Variants in PPM1A observed in about 807,000 individuals in gnomAD.
PPM1A encodes protein phosphatase 1A.
Under a neutral mutation model 35.0 loss-of-function variants are expected in PPM1A, and 7 were observed. The ratio of observed to expected loss-of-function variants is 0.20; its 90% CI spans 0.11 to 0.38. The LOEUF (loss-of-function observed/expected upper bound fraction) is 0.38. Ranked by LOEUF, PPM1A falls within the 10% of genes least tolerant of loss-of-function variation. The pLI, the probability that PPM1A is intolerant of heterozygous loss-of-function variation, is 1.00. For synonymous variants in PPM1A, 153 were observed against 167.3 expected (o/e 0.91, Z 0.66); for missense variants, 239 against 467.8 (o/e 0.51, Z 4.51).
In PPM1A at chr14:60,267,486, G is replaced by A. The variant is rs1446535688; in HGVS notation, c.-20-15198G>A. On this transcript the variant is annotated intron_variant, in intron 1 of 5. Coordinates refer to ENST00000395076, the MANE Select transcript of PPM1A (RefSeq NM_021003.5). ...ATATTTTACTGACTTTTTGGCATCT[G>A]TATTAATAAGTATGTTTGGACTATA... 3.9e-5 allele frequency among the ~76,000 whole-genome samples: 6 copies of A among 151,938 alleles called. No individual in the cohort carries two copies. In the East Asian group the frequency reaches 9.6e-4, roughly 24 times the overall value.
At chr14:60,245,984 G>A, upstream of PPM1A, 1 of 1,577,584 alleles carries the variant, frequency 6.3e-7, no homozygotes, top group Non-Finnish European at 8.6e-7. This position sits in a 1 kb window ranked among gnomAD's most constrained non-coding sequence, Gnocchi z 4.2. Flanking sequence ...GGAGAGAGAA[G>A]GAGAAATGAG....
chr14:60,276,469 G>A (rs1885773086), intron 1 of PPM1A, among the ~76,000 whole-genome samples: 1 of 152,098 alleles, frequency 6.6e-6, no homozygotes, highest in Non-Finnish European at 1.5e-5. Flanking sequence ...CTAGTTACCA[G>A]TATCCACCCT....
At chr14:60,251,652 G>A (rs908207869) in intron 1 of PPM1A, among the ~76,000 whole-genome samples, 4 of 152,032 alleles carry the variant, frequency 2.6e-5, no homozygotes, top group African/African-American at 9.7e-5. Context: ...TCAACATACC[G>A]TTGCCAAATA....
intron 1 of PPM1A, among the ~76,000 whole-genome samples, chr14:60,279,201 C>T (rs756227237): frequency 2.0e-5 from 3 of 152,244 alleles, no homozygotes; most frequent in Non-Finnish European, 4.4e-5. Flanking sequence ...TCACTGCAAC[C>T]TCCACCTCCC....
Position 60,298,660 on chromosome 14 carries a change from AATGAGTT to A in PPM1A, c.*6181_*6187del, listed in dbSNP as rs1460415540. On this transcript the variant is annotated 3_prime_UTR_variant, in exon 6 of 6. Coordinates refer to ENST00000395076, the MANE Select transcript of PPM1A (RefSeq NM_021003.5). The stretch of plus-strand genomic sequence containing the variant: ...CAATAGTGATTGATTTCACTCTTGA[AATGAGTT>A]ATATCACTTAATTTGTATAAATGTT... The A allele has an allele frequency of 6.6e-6, 1 of 151,802 alleles. No homozygotes were observed. The highest frequency in any genetic ancestry group is 1.9e-4 in the East Asian group (1 of 5,200). The allele number at this position is 151,802 out of a possible 1,614,324, so 9.4% of individuals were successfully genotyped here.
chr14:60,278,225 C>T (rs770674283), intron 1 of PPM1A, among the ~76,000 whole-genome samples: 12 of 152,058 alleles, frequency 7.9e-5, no homozygotes, highest in Non-Finnish European at 1.6e-4. Flanking sequence ...GGAGGAAAGC[C>T]AGGCTCCTAA....
intron 1 of PPM1A, among the ~76,000 whole-genome samples, chr14:60,262,964 C>T (rs796849885): frequency 6.6e-5 from 10 of 152,258 alleles, no homozygotes; most frequent in South Asian, 6.2e-4. Context: ...CGGTGGCTCA[C>T]GCCTGTAATC....
At position 60,294,455 on chromosome 14, in the gene PPM1A, C is replaced by T. The variant is rs1032081899; in HGVS notation, c.*1973C>T. On this transcript the variant is annotated 3_prime_UTR_variant, in exon 6 of 6. Coordinates refer to ENST00000395076, the MANE Select transcript of PPM1A (RefSeq NM_021003.5). ...AGTATGATAATGTTCTAAGTTATGG[C>T]TTTGCAAGCATCTAAATGTGCATTT... 2.8e-4 allele frequency: 43 copies of T among 151,880 alleles called. No individual in the cohort carries two copies. Among genetic ancestry groups the T allele is most frequent in the Admixed American group, 2.7e-3 (41 of 15,202 alleles). The allele number at this position is 151,880 out of a possible 1,614,324, so 9.4% of individuals were successfully genotyped here.
chr14:60,283,996 G>A lies in PPM1A; in HGVS notation c.834+459G>A, dbSNP rs997650974. ...AAGAGGAATGTAGTGATCATTAGACGTGATGTAATAGAAATAGCCTTGTAC... is the reference window on the plus strand; with the variant it reads ...AAGAGGAATGTAGTGATCATTAGACATGATGTAATAGAAATAGCCTTGTAC... On this transcript the variant is annotated intron_variant, in intron 2 of 5. Transcript: ENST00000395076. This position sits in a 1 kb window ranked among gnomAD's most constrained non-coding sequence, Gnocchi z 6.3. 1.3e-5 allele frequency among the ~76,000 whole-genome samples: 2 copies of A among 152,200 alleles called. No homozygotes were observed. Among genetic ancestry groups the A allele is most frequent in the East Asian group, 1.9e-4 (1 of 5,198 alleles).
intron 1 of PPM1A, among the ~76,000 whole-genome samples, chr14:60,275,844 CTT>C (rs531960264): frequency 0.28 from 37,097 of 130,264 alleles, 5,154 homozygotes; most frequent in South Asian, 0.38. Flanking sequence ...AAAGATTAGC[CTT>C]TTTTTTTTTT....
intron 1 of PPM1A, among the ~76,000 whole-genome samples, chr14:60,263,640 T>C (rs112868732): frequency 0.013 from 1,945 of 152,266 alleles, 46 homozygotes; most frequent in African/African-American, 0.045. Flanking sequence ...TTGGACCCAA[T>C]AGGTAGTTTT....
intron 1 of PPM1A, among the ~76,000 whole-genome samples, chr14:60,259,020 A>T (rs1883450096): frequency 6.6e-6 from 1 of 152,078 alleles, no homozygotes; most frequent in Admixed American, 6.5e-5. Flanking sequence ...ATGCGATTTG[A>T]GGTGTGGCTA....
rs1886593781 is a variant in PPM1A at position 60,283,177 on chromosome 14, T to A, written c.474T>A (p.His158Gln). 7.4e-6 allele frequency: 12 copies of A among 1,614,222 alleles called. No individual in the cohort carries two copies. Among genetic ancestry groups the A allele is most frequent in the Non-Finnish European group, 1.0e-5 (12 of 1,180,038 alleles). ...RGLLCRNRKV[H>Q]FFTQDHKPSN... ...TACTTTGTAGGAACAGGAAAGTTCATTTCTTCACACAAGATCACAAACCAA... is the reference window on the plus strand; with the variant it reads ...TACTTTGTAGGAACAGGAAAGTTCAATTCTTCACACAAGATCACAAACCAA... Residue 158 changes from histidine (H) to glutamine (Q), a missense_variant, in exon 2 of 6, where the codon CAT becomes CAA. His to Gln is a conservative substitution (Grantham distance 24). Transcript: ENST00000395076. This position sits in a 1 kb window ranked among gnomAD's most constrained non-coding sequence, Gnocchi z 6.3.
chr14:60,248,062 G>C (rs948857318), upstream of PPM1A, among the ~76,000 whole-genome samples: 7 of 152,280 alleles, frequency 4.6e-5, no homozygotes, highest in South Asian at 4.1e-4. Flanking sequence ...GCTGACAAGA[G>C]AGGGAAGGGC....
chr14:60,278,980 G>A (rs1330143636), intron 1 of PPM1A, among the ~76,000 whole-genome samples: 1 of 152,186 alleles, frequency 6.6e-6, no homozygotes, highest in Non-Finnish European at 1.5e-5. Flanking sequence ...CTTCAAGACA[G>A]CATGTTTCAG....
chr14:60,261,969 A>G (rs542398710), intron 1 of PPM1A, among the ~76,000 whole-genome samples: 2 of 152,322 alleles, frequency 1.3e-5, no homozygotes, highest in East Asian at 3.9e-4. Context: ...GACTACTAGG[A>G]TGATTATATA....
At chr14:60,279,253 G>C (rs879777706) in intron 1 of PPM1A, among the ~76,000 whole-genome samples, 1 of 152,008 alleles carries the variant, frequency 6.6e-6, no homozygotes, top group Non-Finnish European at 1.5e-5. Flanking sequence ...TGAGTAGTTG[G>C]GATTACAGGC....
intron 1 of PPM1A, among the ~76,000 whole-genome samples, chr14:60,275,387 T>C (rs961846772): frequency 2.6e-5 from 4 of 152,156 alleles, no homozygotes; most frequent in Admixed American, 6.5e-5. Flanking sequence ...CACCTTCTCA[T>C]TTGTAAAATA....
In PPM1A at chr14:60,298,139, T is replaced by C. The variant is rs1888203497; in HGVS notation, c.*5657T>C. 6.6e-6 allele frequency: 1 copy of C among 151,288 alleles called. No individual in the cohort carries two copies. The highest frequency in any genetic ancestry group is 2.4e-5 in the African/African-American group (1 of 41,248). The allele number at this position is 151,288 out of a possible 1,614,324, so 9.4% of individuals were successfully genotyped here. ...ACATAGTATTCAGAAGTTTTGGAGG[T>C]TAATGTCTTTCTCTAAGATTTGCCA... On this transcript the variant is annotated 3_prime_UTR_variant, in exon 6 of 6. Coordinates refer to ENST00000395076, the MANE Select transcript of PPM1A (RefSeq NM_021003.5).
Sources: allele counts gnomAD v4.1 joint callset (sites outside exome capture counted in the v4.1 genomes callset), GRCh38; gene constraint gnomAD v4.1.1; non-coding constraint Gnocchi (gnomAD v3.1); transcripts MANE v1.5; gene names NCBI Gene and HGNC (gene_info 2026-07-23, HGNC 2026-07-21).